LPP: variants seen among roughly 807,000 people sequenced by gnomAD.
LPP encodes the protein lipoma-preferred partner.
A neutral mutation model predicts 60.4 loss-of-function variants in LPP; 38 were observed. The observed-to-expected ratio is 0.63, with a 90% CI of 0.49 to 0.83. The LOEUF (loss-of-function observed/expected upper bound fraction) is 0.83, where lower values mean the gene tolerates loss of function less well. LPP is among the 40% of genes least tolerant of loss of function. The pLI, the probability that LPP is intolerant of heterozygous loss-of-function variation, is 0.00. For missense variants in LPP, 902 were observed against 783.6 expected (o/e 1.15, Z -1.80); for synonymous variants, 328 against 290.8 (o/e 1.13, Z -1.30).
chr3:188,705,805 C>T (rs1406021073), intron 7 of LPP, among the ~76,000 whole-genome samples: 1 of 151,844 alleles, frequency 6.6e-6, no homozygotes, highest in Non-Finnish European at 1.5e-5. Context: ...TTAGTAGATA[C>T]GGGGTTTCAC....
At chr3:188,440,926 C>T (rs1050015925) in intron 4 of LPP, among the ~76,000 whole-genome samples, 1 of 145,304 alleles carries the variant, frequency 6.9e-6, no homozygotes, top group African/African-American at 2.6e-5. Flanking sequence ...ATGAGAAATC[C>T]AGTGTACTCT....
chr3:188,387,372 T>C (rs1262284501), intron 3 of LPP, among the ~76,000 whole-genome samples: 1 of 152,168 alleles, frequency 6.6e-6, no homozygotes, highest in Non-Finnish European at 1.5e-5. Flanking sequence ...TTAAGCATTT[T>C]CCATATCACT....
chr3:188,497,621 C>G (rs1810631599), intron 5 of LPP, among the ~76,000 whole-genome samples: 1 of 152,058 alleles, frequency 6.6e-6, no homozygotes, highest in African/African-American at 2.4e-5. Context: ...AGTGTCAGAA[C>G]TTCATAGAGT....
At chr3:188,489,681 G>T (rs1193159331) in intron 5 of LPP, among the ~76,000 whole-genome samples, 1 of 152,202 alleles carries the variant, frequency 6.6e-6, no homozygotes, top group Non-Finnish European at 1.5e-5. Flanking sequence ...TGTTGCACTT[G>T]CAGGAAACCC....
intron 2 of LPP, among the ~76,000 whole-genome samples, chr3:188,290,150 A>G (rs1370252033): frequency 6.6e-6 from 1 of 151,924 alleles, no homozygotes; most frequent in Non-Finnish European, 1.5e-5. Flanking sequence ...TTTATTTTGT[A>G]TTTTTAATAG....
intron 4 of LPP, among the ~76,000 whole-genome samples, chr3:188,461,564 A>G (rs1220138257): frequency 6.6e-6 from 1 of 152,218 alleles, no homozygotes. Context: ...CACTCAGACT[A>G]CTTCATCTCC....
At chr3:188,450,511 G>A (rs55707258) in intron 4 of LPP, among the ~76,000 whole-genome samples, 4,871 of 152,176 alleles carry the variant, frequency 0.032, 253 homozygotes, top group African/African-American at 0.11. Flanking sequence ...TTGGGAGGCC[G>A]AGGCAGGTGG....
At position 188,886,298 on chromosome 3, in the gene LPP, T is replaced by C. The variant is rs1770655138; in HGVS notation, c.*11819T>C. 1 of 164,106 alleles carries C rather than the reference T, an allele frequency of 6.1e-6. No homozygotes were observed. The highest frequency in any genetic ancestry group is 6.6e-5 in the Admixed American group (1 of 15,106). 10.2% of individuals were successfully genotyped at this position (164,106 alleles called of 1,614,324 possible). A position where few individuals can be genotyped will look rare whatever the true frequency, so the allele number is the denominator to read the frequency against. ...CACATGTACCCTAAAACTTAAAGTA[T>C]AATAATAATGAAATAAAATTAAAAA... On this transcript the variant is annotated 3_prime_UTR_variant, in exon 12 of 12. Coordinates refer to ENST00000617246, the MANE Select transcript of LPP (RefSeq NM_001375462.1).
chr3:188,353,108 G>C (rs1451610548), intron 3 of LPP, among the ~76,000 whole-genome samples: 2 of 152,132 alleles, frequency 1.3e-5, no homozygotes, highest in Non-Finnish European at 2.9e-5. Flanking sequence ...TTTTTTTGGA[G>C]TACTGTATAA....
At chr3:188,543,330 A>G (rs1304592545) in intron 6 of LPP, among the ~76,000 whole-genome samples, 2 of 151,970 alleles carry the variant, frequency 1.3e-5, no homozygotes, top group African/African-American at 4.8e-5. Context: ...CATGCAACAA[A>G]TTGCTTAAAA....
intron 6 of LPP, among the ~76,000 whole-genome samples, chr3:188,599,307 T>C (rs1049469081): frequency 6.6e-6 from 1 of 152,294 alleles, no homozygotes; most frequent in South Asian, 2.1e-4. Context: ...AGTTTTAATC[T>C]GATGATATGC....
At chr3:188,696,759 T>C (rs1863327915) in intron 7 of LPP, among the ~76,000 whole-genome samples, 1 of 152,180 alleles carries the variant, frequency 6.6e-6, no homozygotes, top group Admixed American at 6.6e-5. Context: ...GGCATACTGA[T>C]TACTATCAAC....
intron 6 of LPP, among the ~76,000 whole-genome samples, chr3:188,575,419 T>C (rs1459399473): frequency 6.6e-6 from 1 of 152,188 alleles, no homozygotes; most frequent in East Asian, 1.9e-4. Context: ...GTTTTATTCC[T>C]GTAACAATCC....
intron 9 of LPP, among the ~76,000 whole-genome samples, chr3:188,816,461 A>G (rs1752535701): frequency 6.6e-6 from 1 of 151,804 alleles, no homozygotes; most frequent in South Asian, 2.1e-4. Flanking sequence ...TTGGCCTCCC[A>G]AAGTGCTGGG....
chr3:188,468,669 G>C (rs1579136417), intron 4 of LPP, among the ~76,000 whole-genome samples: 2 of 152,142 alleles, frequency 1.3e-5, no homozygotes, highest in Non-Finnish European at 2.9e-5. Flanking sequence ...GTGCCAGGAA[G>C]GGGACTGTCA....
rs369062490 is a variant in LPP, at chr3:188,785,535, CAT to C, written c.1410+25265_1410+25266del. ...ATATATATATATATATATATTCCAT[CAT>C]ATATATATATACACACACACACACA... On this transcript the variant is annotated intron_variant, in intron 9 of 11. Transcript: ENST00000617246. 3.2e-4 allele frequency among the ~76,000 whole-genome samples: 5 copies of C among 15,666 alleles called. 1 individual carries two copies. Among genetic ancestry groups the C allele is most frequent in the Admixed American group, 8.3e-4 (1 of 1,202 alleles). 10.3% of individuals were successfully genotyped at this position (15,666 alleles called of 152,430 possible).
At chr3:188,509,109 G>T (rs1430163562) in intron 5 of LPP, among the ~76,000 whole-genome samples, 2 of 152,038 alleles carry the variant, frequency 1.3e-5, no homozygotes, top group Non-Finnish European at 2.9e-5. Context: ...CGTATCTTTG[G>T]CCACCAAAAT....
intron 6 of LPP, among the ~76,000 whole-genome samples, chr3:188,542,037 T>C (rs947195117): frequency 6.6e-6 from 1 of 152,252 alleles, no homozygotes; most frequent in Non-Finnish European, 1.5e-5. Flanking sequence ...ATTTATTTTT[T>C]GTGGTGAGAA....
chr3:188,748,247 A>G (rs1292496907), intron 8 of LPP, among the ~76,000 whole-genome samples: 4 of 151,804 alleles, frequency 2.6e-5, no homozygotes, highest in Non-Finnish European at 5.9e-5. Flanking sequence ...ATGTATATAC[A>G]CACACACACA....
Sources: allele counts gnomAD v4.1 joint callset (sites outside exome capture counted in the v4.1 genomes callset), GRCh38; gene constraint gnomAD v4.1.1; transcripts MANE v1.5; gene names NCBI Gene and HGNC (gene_info 2026-07-23, HGNC 2026-07-21).